The following ABTB2 variants were observed in gnomAD, a reference collection of about 807,000 sequenced individuals.
ABTB2 encodes ankyrin repeat and BTB/POZ domain-containing protein 2.
A neutral mutation model predicts 104.1 loss-of-function variants in ABTB2; 56 were observed. The observed-to-expected ratio is 0.54, with a 90% CI of 0.43 to 0.67. ABTB2 has a LOEUF of 0.67. ABTB2 is among the 30% of genes least tolerant of loss of function. The pLI, the probability that ABTB2 is intolerant of heterozygous loss-of-function variation, is 0.00. For missense variants in ABTB2, 1,279 were observed against 1,407.7 expected (o/e 0.91, Z 1.46); for synonymous variants, 606 against 608.2 (o/e 1.00, Z 0.05).
chr11:34,274,558 T>TAC (rs558468578), intron 1 of ABTB2, among the ~76,000 whole-genome samples: 565 of 56,332 alleles, frequency 0.01, 2 homozygotes, highest in African/African-American at 0.043. Flanking sequence ...TGGATTGGAA[T>TAC]ATACACACAC....
intron 1 of ABTB2, among the ~76,000 whole-genome samples, chr11:34,207,812 G>A (rs931744480): frequency 1.3e-5 from 2 of 152,226 alleles, no homozygotes; most frequent in Non-Finnish European, 2.9e-5. Flanking sequence ...GTCCTTTCTC[G>A]AGCTAGGCAG....
intron 1 of ABTB2, among the ~76,000 whole-genome samples, chr11:34,205,802 G>A (rs1853402184): frequency 6.6e-6 from 1 of 152,146 alleles, no homozygotes; most frequent in African/African-American, 2.4e-5. Context: ...GAATGTTGGG[G>A]TTCGTAATTC....
intron 1 of ABTB2, among the ~76,000 whole-genome samples, chr11:34,226,738 A>G (rs1023650523): frequency 1.3e-5 from 2 of 152,150 alleles, no homozygotes; most frequent in African/African-American, 4.8e-5. Flanking sequence ...ACCACTATTT[A>G]ATTTCAGAAC....
chr11:34,182,506 GGGGA>G (rs1853042785), intron 3 of ABTB2, among the ~76,000 whole-genome samples: 1 of 136,774 alleles, frequency 7.3e-6, no homozygotes, highest in Non-Finnish European at 1.6e-5. Context: ...CTGGGGGGGG[GGGGA>G]AATTCACTTT....
intron 1 of ABTB2, among the ~76,000 whole-genome samples, chr11:34,338,167 G>A (rs113938947): frequency 0.095 from 14,381 of 152,056 alleles, 880 homozygotes; most frequent in Non-Finnish European, 0.14. Context: ...GATCACCTGA[G>A]ATCAGGAGTT....
chr11:34,259,680 C>A (rs554692365), intron 1 of ABTB2, among the ~76,000 whole-genome samples: 49 of 152,324 alleles, frequency 3.2e-4, no homozygotes, highest in African/African-American at 1.2e-3. Flanking sequence ...TTACATTAAT[C>A]AGAAATATAA....
intron 3 of ABTB2, among the ~76,000 whole-genome samples, chr11:34,173,592 C>A (rs1186055565): frequency 1.3e-5 from 2 of 152,174 alleles, no homozygotes; most frequent in African/African-American, 2.4e-5. Context: ...CGACTACCTG[C>A]AATGCACAGA....
Position 34,356,977 on chromosome 11 carries a change from G to A in ABTB2, c.607C>T (p.Leu203Phe). ...AAAAAGCGACCCACTGAGAAGGTGA[G>A]GCCGCAGCGCGCGGACTTGCCCCGG... is the stretch of plus-strand genomic sequence containing the variant. ...LRRGKSARCG[L>F]TFSVGRFFRW... is the part of the protein sequence containing the mutation. The change falls in exon 1 of 17, where the codon CTC (leucine) becomes TTC (phenylalanine). Residue 203 changes from leucine (L) to phenylalanine (F), a missense_variant. Transcript: ENST00000435224. The surrounding 1 kb of genome is among the most constrained non-coding windows in gnomAD (Gnocchi z 4.6). The A allele has an allele frequency of 6.3e-7, 1 of 1,593,132 alleles. No individual in the cohort carries two copies. The highest frequency in any genetic ancestry group is 8.5e-7 in the Non-Finnish European group (1 of 1,171,316).
intron 1 of ABTB2, among the ~76,000 whole-genome samples, chr11:34,330,260 T>A (rs1317172489): frequency 6.6e-6 from 1 of 152,150 alleles, no homozygotes; most frequent in Non-Finnish European, 1.5e-5. Context: ...ATTTTGGGCT[T>A]TGAGTTGGGT....
Position 34,167,315 on chromosome 11 carries a change from G to A in ABTB2, c.1699C>T (p.Arg567Trp), listed in dbSNP as rs373704246. 6.4e-5 allele frequency: 104 copies of A among 1,613,336 alleles called. No homozygotes were observed. The highest frequency in any genetic ancestry group is 1.1e-4 in the South Asian group (10 of 90,946). The change falls in exon 7 of 17, where the codon CGG (arginine) becomes TGG (tryptophan). Residue 567 changes from arginine (R) to tryptophan (W), a missense_variant. Coordinates refer to ENST00000435224, the MANE Select transcript of ABTB2 (RefSeq NM_145804.3). ...PRHPSIHPDSRHWTSLTFAVL... is the reference protein window; with the variant it reads ...PRHPSIHPDSWHWTSLTFAVL... ...GCGAATGTCAGTGAGGTCCAGTGCCGGCTGTCGGGGTGGATGGAAGGGTGC... is the reference window on the plus strand; with the variant it reads ...GCGAATGTCAGTGAGGTCCAGTGCCAGCTGTCGGGGTGGATGGAAGGGTGC...
At chr11:34,335,884 A>C in intron 1 of ABTB2, 1 of 869,088 alleles carries the variant, frequency 1.2e-6, no homozygotes. Flanking sequence ...CACATGAGAC[A>C]CCTAAACCTG....
chr11:34,234,998 T>C (rs535465859), intron 1 of ABTB2, among the ~76,000 whole-genome samples: 3 of 152,272 alleles, frequency 2.0e-5, no homozygotes, highest in South Asian at 2.1e-4. Flanking sequence ...GCTAGGACTA[T>C]AGGCGCCCGC....
intron 1 of ABTB2, among the ~76,000 whole-genome samples, chr11:34,301,248 G>A (rs1854702301): frequency 6.6e-6 from 1 of 152,116 alleles, no homozygotes; most frequent in Admixed American, 6.5e-5. Flanking sequence ...CTTCTAAACA[G>A]TGCTTCCTTC....
chr11:34,317,124 A>G (rs1854942347), intron 1 of ABTB2, among the ~76,000 whole-genome samples: 1 of 152,238 alleles, frequency 6.6e-6, no homozygotes, highest in African/African-American at 2.4e-5. Context: ...AACCCTTGGT[A>G]CTTCATGCCA....
chr11:34,210,730 C>T (rs903804579), intron 1 of ABTB2, among the ~76,000 whole-genome samples: 3 of 152,198 alleles, frequency 2.0e-5, no homozygotes, highest in African/African-American at 4.8e-5. Context: ...CCAAGGCCAC[C>T]GCCTGTCCCT....
At chr11:34,242,134 G>A (rs757965474) in intron 1 of ABTB2, among the ~76,000 whole-genome samples, 52 of 152,252 alleles carry the variant, frequency 3.4e-4, no homozygotes, top group Admixed American at 2.4e-3. Context: ...CTGCACAGAA[G>A]AGTGGGCTTT....
At position 34,354,495 on chromosome 11, in the gene ABTB2, G is replaced by A. The variant is rs868714005; in HGVS notation, c.883+2206C>T. On this transcript the variant is annotated intron_variant, in intron 1 of 16. Coordinates refer to ENST00000435224, the MANE Select transcript of ABTB2 (RefSeq NM_145804.3). ...CAAAAGGTGGTGGTGGAGCTGGGGG[G>A]TGGGGGTGGGGGGGTAGGTGGTGCC... Among the ~76,000 whole-genome samples the A allele has an allele frequency of 3.0e-4, 46 of 151,224 alleles. No homozygotes were observed. The Middle Eastern group carries it at 0.014, about 45-fold the overall frequency.
At chr11:34,249,762 A>G (rs1208422748) in intron 1 of ABTB2, among the ~76,000 whole-genome samples, 1 of 152,200 alleles carries the variant, frequency 6.6e-6, no homozygotes, top group Non-Finnish European at 1.5e-5. Context: ...CTCCTGCCAC[A>G]GCTTCTGAGT....
At chr11:34,288,155 G>C (rs1348360829) in intron 1 of ABTB2, among the ~76,000 whole-genome samples, 6 of 152,002 alleles carry the variant, frequency 3.9e-5, no homozygotes, top group Non-Finnish European at 8.8e-5. Flanking sequence ...AGACATATAG[G>C]AAAGTTGAAA....
Sources: allele counts gnomAD v4.1 joint callset (sites outside exome capture counted in the v4.1 genomes callset), GRCh38; gene constraint gnomAD v4.1.1; non-coding constraint Gnocchi (gnomAD v3.1); transcripts MANE v1.5; gene names NCBI Gene and HGNC (gene_info 2026-07-23, HGNC 2026-07-21).